Variants in TTC1 observed in about 807,000 individuals in gnomAD.
TTC1 encodes the protein tetratricopeptide repeat domain 1, also known as tetratricopeptide repeat protein 1.
Under a neutral mutation model 37.6 loss-of-function variants are expected in TTC1, and 31 were observed. The observed-to-expected ratio is 0.82, with a 90% CI of 0.62 to 1.11. TTC1 has a LOEUF of 1.11. Ranked by LOEUF, TTC1 falls within the 50% of genes most tolerant of loss-of-function variation. The pLI is 0.00. For missense variants in TTC1, 351 were observed against 339.0 expected (o/e 1.04, Z -0.28); for synonymous variants, 127 against 122.4 (o/e 1.04, Z -0.25).
chr5:160,034,784 A>G (rs1756973823), intron 2 of TTC1, among the ~76,000 whole-genome samples: 1 of 152,204 alleles, frequency 6.6e-6, no homozygotes, highest in Admixed American at 6.5e-5. Context: ...TACAATTTGA[A>G]TTTACACTGG....
chr5:160,014,345 C>G (rs1756561904), intron 2 of TTC1, among the ~76,000 whole-genome samples: 1 of 151,246 alleles, frequency 6.6e-6, no homozygotes, highest in Non-Finnish European at 1.5e-5. Context: ...GAGACAAGAG[C>G]AAAACTCCGT....
chr5:160,063,633 C>G (rs895444656), intron 7 of TTC1: 1 of 152,200 alleles, frequency 6.6e-6, no homozygotes, highest in East Asian at 1.9e-4. Context: ...AGGGATTTCT[C>G]TTTTCGTCCA....
chr5:160,048,126 CTTTTTTTTTTTTTTTTTTTTTTTT>C (rs56201199), intron 5 of TTC1, among the ~76,000 whole-genome samples: 2 of 35,538 alleles, frequency 5.6e-5, no homozygotes, highest in African/African-American at 2.4e-4. Flanking sequence ...CAAGACATTG[CTTTTTTTTTTTTTTTTTTTTTTTT>C]TTTTTTTTTT....
intron 2 of TTC1, among the ~76,000 whole-genome samples, chr5:160,022,894 T>C: frequency 6.6e-6 from 1 of 152,238 alleles, no homozygotes; most frequent in East Asian, 1.9e-4. Context: ...CCACATATGC[T>C]ACAGATTCGG....
At chr5:160,027,108 G>A (rs550275923) in intron 2 of TTC1, among the ~76,000 whole-genome samples, 10 of 150,752 alleles carry the variant, frequency 6.6e-5, no homozygotes, top group Admixed American at 2.0e-4. Flanking sequence ...GGATCACTGC[G>A]GCCTCCACCT....
chr5:160,013,204 T>C (rs1756530894), intron 2 of TTC1, among the ~76,000 whole-genome samples: 1 of 152,224 alleles, frequency 6.6e-6, no homozygotes, highest in Admixed American at 6.5e-5. Context: ...TGCCTTCAGC[T>C]AACTGTGGTA....
At chr5:160,046,939 G>A (rs1051395730) in intron 5 of TTC1, among the ~76,000 whole-genome samples, 2 of 152,126 alleles carry the variant, frequency 1.3e-5, no homozygotes, top group South Asian at 2.1e-4. Flanking sequence ...TTGAACCTGG[G>A]AGGTGGAGGT....
chr5:160,047,361 T>C (rs1046898797), intron 5 of TTC1, among the ~76,000 whole-genome samples: 1 of 152,226 alleles, frequency 6.6e-6, no homozygotes, highest in Middle Eastern at 3.2e-3. Context: ...GATTGTTCTT[T>C]CGTGTCACAT....
intron 4 of TTC1, among the ~76,000 whole-genome samples, chr5:160,040,088 A>T (rs1429341954): frequency 6.6e-6 from 1 of 152,160 alleles, no homozygotes; most frequent in Non-Finnish European, 1.5e-5. Context: ...ATATGGTATA[A>T]CCTATTGCTC....
Position 160,050,510 on chromosome 5 carries a change from C to T in TTC1, c.691-619C>T, listed in dbSNP as rs1399496840. On this transcript the variant is annotated intron_variant, in intron 6 of 7. Transcript: ENST00000231238. ...AAAAATACAAATATAGCACTGTAAACATCTGATATGTATCCTTTCAAACTT... is the reference window on the plus strand; with the variant it reads ...AAAAATACAAATATAGCACTGTAAATATCTGATATGTATCCTTTCAAACTT... Among the ~76,000 whole-genome samples the T allele has an allele frequency of 2.6e-5, 4 of 152,036 alleles. No homozygotes were observed. The East Asian group carries it at 7.7e-4, about 29-fold the overall frequency.
chr5:160,031,635 A>G (rs748957529), intron 2 of TTC1, among the ~76,000 whole-genome samples: 25 of 151,944 alleles, frequency 1.6e-4, no homozygotes, highest in Non-Finnish European at 2.9e-4. Flanking sequence ...ATAAATAAAT[A>G]AAAAATAACC....
intron 3 of TTC1, 45 bp downstream of exon 3, chr5:160,035,245 C>A: frequency 6.6e-7 from 1 of 1,504,414 alleles, no homozygotes; most frequent in Non-Finnish European, 9.0e-7. Context: ...CTTGACTCCT[C>A]ATCCTGTTGT....
chr5:160,037,781 GT>G lies in TTC1; in HGVS notation c.504+992del, dbSNP rs78532786. 3.7e-3 allele frequency among the ~76,000 whole-genome samples: 540 copies of G among 144,100 alleles called. 4 individuals are homozygous for G. The highest frequency in any genetic ancestry group is 8.4e-3 in the African/African-American group (331 of 39,624). 94.5% of individuals were successfully genotyped at this position (144,100 alleles called of 152,430 possible). ...TAATCCTTGGATTGAAATGAGAGTG[GT>G]TTTTTTTTTTTTTAAACCATACCAC... On this transcript the variant is annotated intron_variant, in intron 4 of 7. Transcript: ENST00000231238.
At chr5:160,042,262 T>G in intron 4 of TTC1, among the ~76,000 whole-genome samples, 1 of 152,224 alleles carries the variant, frequency 6.6e-6, no homozygotes, top group East Asian at 1.9e-4. Context: ...CCTGAAACAG[T>G]TTGGCTGTCA....
chr5:160,042,934 C>T (rs930396904), intron 4 of TTC1, among the ~76,000 whole-genome samples, 199 bp from the exon 5 acceptor site: 2 of 152,192 alleles, frequency 1.3e-5, no homozygotes, highest in Non-Finnish European at 2.9e-5. Flanking sequence ...ACCAGGAGGC[C>T]TTCAGATCAG....
chr5:160,043,274 G>A, intron 5 of TTC1, 105 bp downstream of exon 5: 1 of 1,184,934 alleles, frequency 8.4e-7, no homozygotes, highest in Non-Finnish European at 1.2e-6. Flanking sequence ...CTTCCTCTGG[G>A]GCCTTGCAAG....
At chr5:160,049,737 T>G (rs1757352783) in intron 6 of TTC1, 75 bp downstream of exon 6, 1 of 1,215,182 alleles carries the variant, frequency 8.2e-7, no homozygotes, top group Non-Finnish European at 1.1e-6. Context: ...AAATAATCCT[T>G]TCAGACACAA....
At chr5:160,030,433 C>T (rs1348884898) in intron 2 of TTC1, among the ~76,000 whole-genome samples, 3 of 152,134 alleles carry the variant, frequency 2.0e-5, no homozygotes, top group South Asian at 2.1e-4. Flanking sequence ...TGATTTTTCT[C>T]GTCTGTAAAA....
At chr5:160,055,956 G>C (rs1235935241) in intron 7 of TTC1, among the ~76,000 whole-genome samples, 3 of 152,236 alleles carry the variant, frequency 2.0e-5, no homozygotes, top group Non-Finnish European at 4.4e-5. Flanking sequence ...TGGAGGAATA[G>C]AGTCAGTTAC....
Sources: gnomAD v4.1 joint callset for allele counts (sites outside exome capture counted in the v4.1 genomes callset) on GRCh38, gnomAD v4.1.1 for gene constraint, MANE v1.5 for transcripts, NCBI Gene and HGNC (gene_info 2026-07-23, HGNC 2026-07-21) for gene names.